The following SLX4 variants were observed in gnomAD, a reference collection of about 807,000 sequenced individuals.
The protein encoded by SLX4 is structure-specific endonuclease subunit SLX4.
SLX4 carries 112 observed loss-of-function variants against 146.2 expected under a neutral mutation model. The ratio of observed to expected loss-of-function variants is 0.77; its 90% confidence interval spans 0.66 to 0.90. SLX4 has a LOEUF of 0.90. Ranked by LOEUF, SLX4 falls within the 40% of genes least tolerant of loss-of-function variation. SLX4 has a pLI of 0.00. For synonymous variants in SLX4, 1,061 were observed against 997.7 expected (o/e 1.06, Z -1.20); for missense variants, 2,563 against 2,392.7 (o/e 1.07, Z -1.49).
At chr16:3,599,753 A>T (rs539665100) in intron 5 of SLX4, among the ~76,000 whole-genome samples, 1 of 152,132 alleles carries the variant, frequency 6.6e-6, no homozygotes, top group Admixed American at 6.5e-5. Flanking sequence ...CAGCCAGCTA[A>T]TTTTTTAATT....
chr16:3,587,060 T>A (rs2040515617), intron 12 of SLX4, among the ~76,000 whole-genome samples: 1 of 152,042 alleles, frequency 6.6e-6, no homozygotes, highest in African/African-American at 2.4e-5. Context: ...GGTACAGGAT[T>A]TTTGAGATGA....
At chr16:3,583,058 T>A (rs769636026) in intron 14 of SLX4, 39 bp downstream of exon 14, 10 of 1,612,442 alleles carry the variant, frequency 6.2e-6, no homozygotes, top group Non-Finnish European at 8.5e-6. Context: ...GGCCAGAGGA[T>A]ACATGAGGCC....
intron 14 of SLX4, 60 bp from the exon 15 acceptor site, chr16:3,582,753 G>A (rs2040455440): frequency 6.8e-7 from 1 of 1,468,416 alleles, no homozygotes; most frequent in Admixed American, 1.9e-5. Context: ...CTGAGACCAT[G>A]AGCCTCTTTA....
rs376960842 is a variant in SLX4, at chr16:3,582,658, G to C, written c.5189C>G (p.Ser1730Cys). The C allele has an allele frequency of 3.7e-6, 6 of 1,613,050 alleles. No homozygotes were observed. The highest frequency in any genetic ancestry group is 2.7e-5 in the African/African-American group (2 of 74,938). The change falls in exon 15 of 15, where the codon TCT (serine) becomes TGT (cysteine). Residue 1730 changes from serine (S) to cysteine (C), a missense_variant. Physicochemically the swap from Ser to Cys is moderately radical, Grantham distance 112. Transcript: ENST00000294008. Reference sequence around the variant, plus strand: ...CCCCTCGCCCTCCTCTTCACCTGCAGACTCAAATGCCGCTCCAAACTCACA... The same window carrying C: ...CCCCTCGCCCTCCTCTTCACCTGCACACTCAAATGCCGCTCCAAACTCACA... Reference protein sequence around the residue: ...SSCEFGAAFESAGEEEGEGEV... With the variant: ...SSCEFGAAFECAGEEEGEGEV...
In SLX4 at chr16:3,594,466, A is replaced by G. The variant is rs2151128407; in HGVS notation, c.2147T>C (p.Leu716Pro). 6.2e-7 allele frequency: 1 copy of G among 1,613,536 alleles called. No individual in the cohort carries two copies. Among genetic ancestry groups the G allele is most frequent in the South Asian group, 1.1e-5 (1 of 90,980 alleles). Residue 716 changes from leucine (L) to proline (P), a missense_variant, in exon 10 of 15, where the codon CTC (leucine) becomes CCC (proline). By Grantham distance (98) the Leu-to-Pro change is moderately conservative. Coordinates refer to ENST00000294008, the MANE Select transcript of SLX4 (RefSeq NM_032444.4). ...HKFVLYARCPLLIQYVNNEGF... is the reference protein window; with the variant it reads ...HKFVLYARCPPLIQYVNNEGF... Reference sequence around the variant, plus strand: ...CCACGTACTTACATACTGGATGAGGAGCGGGCATCGGGCATAAAGCACGAA... The same window carrying G: ...CCACGTACTTACATACTGGATGAGGGGCGGGCATCGGGCATAAAGCACGAA...
rs1032936956 is a variant in SLX4 at position 3,581,398 on chromosome 16, T to C, written c.*944A>G. The C allele has an allele frequency of 6.5e-6, 1 of 152,738 alleles. No individual in the cohort carries two copies. Among genetic ancestry groups the C allele is most frequent in the Non-Finnish European group, 1.5e-5 (1 of 68,092 alleles). 9.5% of individuals were successfully genotyped at this position (152,738 alleles called of 1,614,324 possible). A position where few individuals can be genotyped will look rare whatever the true frequency, so the allele number is the denominator to read the frequency against. ...TGTTTTGTGGTGGCATCAGAGTTGT[T>C]CTGGGCCCTTGTGCACTGTCCAGTT... On this transcript the variant is annotated 3_prime_UTR_variant, in exon 15 of 15. Coordinates refer to ENST00000294008, the MANE Select transcript of SLX4 (RefSeq NM_032444.4).
rs755406950 is a variant in SLX4, at chr16:3,582,587, C to T, written c.5260G>A (p.Glu1754Lys). Residue 1754 changes from glutamate (E) to lysine (K), a missense_variant, in exon 15 of 15, where the codon GAG becomes AAG. Glu to Lys is a moderately conservative substitution (Grantham distance 56). Transcript: ENST00000294008. ...GAGCGGATGTAGCACCTCAGCGCCT[C>T]GTCTGTGTCCGCCGCCTGCACGGCT... ...QAAVQAADTD[E>K]ALRCYIRSKP... The T allele has an allele frequency of 3.1e-6, 5 of 1,613,662 alleles. No individual in the cohort carries two copies. Among genetic ancestry groups the T allele is most frequent in the Admixed American group, 1.7e-5 (1 of 60,026 alleles).
At chr16:3,582,992 G>A (rs148536138) in intron 14 of SLX4, 105 bp downstream of exon 14, 156 of 1,429,248 alleles carry the variant, frequency 1.1e-4, no homozygotes, top group Admixed American at 2.0e-4. Flanking sequence ...AGAAGGTGAC[G>A]GGGGTTTTTG....
chr16:3,587,002 TC>T (rs2040515125), intron 12 of SLX4, among the ~76,000 whole-genome samples: 1 of 152,080 alleles, frequency 6.6e-6, no homozygotes, highest in African/African-American at 2.4e-5. Flanking sequence ...ACAGAAAGGT[TC>T]TTGGTTGCCA....
intron 3 of SLX4, 92 bp from the exon 4 acceptor site, chr16:3,602,399 G>T: frequency 1.4e-6 from 2 of 1,481,102 alleles, no homozygotes. Flanking sequence ...AGACCATGGG[G>T]AGCAGGTGGA....
rs747230215 is a variant in SLX4 at position 3,589,617 on chromosome 16, T to C, written c.4021A>G (p.Arg1341Gly). 11 of 1,613,912 alleles carry C rather than the reference T, an allele frequency of 6.8e-6. No individual in the cohort carries two copies. In the East Asian group the frequency reaches 2.2e-4, roughly 33 times the overall value. Residue 1341 changes from arginine (R) to glycine (G), a missense_variant, in exon 12 of 15, where the codon AGA becomes GGA. Coordinates refer to ENST00000294008, the MANE Select transcript of SLX4 (RefSeq NM_032444.4). The surrounding 1 kb of genome is among the most constrained non-coding windows in gnomAD (Gnocchi z 6.2). ...GTSDGRRQGH[R>G]SPSRPHPGGH... ...CCGGGGTGGGGACGGGAAGGGCTTCTGTGGCCTTGCCTTCTGCCGTCAGAA... is the reference window on the plus strand; with the variant it reads ...CCGGGGTGGGGACGGGAAGGGCTTCCGTGGCCTTGCCTTCTGCCGTCAGAA...
At chr16:3,588,236 T>C (rs751438225) in intron 12 of SLX4, among the ~76,000 whole-genome samples, 45 of 152,328 alleles carry the variant, frequency 3.0e-4, no homozygotes, top group Admixed American at 1.3e-4. Context: ...TCACTCCCCA[T>C]TCCCCCTCCC....
intron 8 of SLX4, 89 bp downstream of exon 8, chr16:3,596,064 C>G (rs983487424): frequency 6.7e-7 from 1 of 1,488,696 alleles, no homozygotes; most frequent in Non-Finnish European, 8.9e-7. Context: ...GTCGCGGCGG[C>G]ACAAGAGCCA....
At chr16:3,606,065 G>A (rs1437389792) in intron 3 of SLX4, among the ~76,000 whole-genome samples, 1 of 151,634 alleles carries the variant, frequency 6.6e-6, no homozygotes, top group Non-Finnish European at 1.5e-5. Context: ...TTCGAGACCA[G>A]CCTGGCCAAC....
At position 3,604,647 on chromosome 16, in the gene SLX4, C is replaced by A. The variant is rs377233240; in HGVS notation, c.760+1827G>T. ...AACAGCCTGGCCGGCATGGTGAAAC[C>A]CCAACTCTACTAAAAATACAAAAAT... On this transcript the variant is annotated intron_variant, in intron 3 of 14. Transcript: ENST00000294008. Among the ~76,000 whole-genome samples, 12 of 151,772 alleles carry A rather than the reference C, an allele frequency of 7.9e-5. No individual in the cohort carries two copies. The East Asian group carries it at 1.2e-3, about 15-fold the overall frequency.
At chr16:3,599,819 C>T (rs1456890339) in intron 5 of SLX4, among the ~76,000 whole-genome samples, 1 of 152,146 alleles carries the variant, frequency 6.6e-6, no homozygotes, top group Non-Finnish European at 1.5e-5. Context: ...CTCCTGGGCT[C>T]AAGTGATCCT....
chr16:3,584,959 T>C (rs1439514127), intron 12 of SLX4, 88 bp from the exon 13 acceptor site: 16 of 977,276 alleles, frequency 1.6e-5, no homozygotes, highest in Non-Finnish European at 2.5e-5. Context: ...AGAGGAATAA[T>C]GCACTTGAAG....
At position 3,608,541 on chromosome 16, in the gene SLX4, C is replaced by G. The variant is rs773117024; in HGVS notation, c.424G>C (p.Gly142Arg). 1 of 1,614,044 alleles carries G rather than the reference C, an allele frequency of 6.2e-7. No individual in the cohort carries two copies. The highest frequency in any genetic ancestry group is 1.3e-5 in the African/African-American group (1 of 74,900). ...EPAHSVNGEG[G>R]VLASAPDPPV... ...GGATCTGGAGCAGAGGCAAGCACACCCCCCTCCCCATTCACAGAGTGGGCC... is the reference window on the plus strand; with the variant it reads ...GGATCTGGAGCAGAGGCAAGCACACGCCCCTCCCCATTCACAGAGTGGGCC... Residue 142 changes from glycine (G) to arginine (R), a missense_variant, in exon 2 of 15, where the codon GGT becomes CGT. Coordinates refer to ENST00000294008, the MANE Select transcript of SLX4 (RefSeq NM_032444.4).
chr16:3,610,513 T>C (rs2040845963), intron 1 of SLX4, among the ~76,000 whole-genome samples: 1 of 152,188 alleles, frequency 6.6e-6, no homozygotes, highest in Non-Finnish European at 1.5e-5. Context: ...GCCTATATGG[T>C]GGAATCTCTT....
Sources: gnomAD v4.1 joint callset for allele counts (sites outside exome capture counted in the v4.1 genomes callset) on GRCh38, gnomAD v4.1.1 for gene constraint, Gnocchi (gnomAD v3.1) non-coding constraint, MANE v1.5 for transcripts, NCBI Gene and HGNC (gene_info 2026-07-23, HGNC 2026-07-21) for gene names.